The following KIAA0825 variants were observed in gnomAD, a reference collection of about 807,000 sequenced individuals.
KIAA0825 encodes the protein uncharacterized protein KIAA0825.
In KIAA0825, 119 loss-of-function variants were observed where a neutral mutation model predicts 147.6. The ratio of observed to expected loss-of-function variants is 0.81; its 90% confidence interval spans 0.69 to 0.94. The LOEUF (loss-of-function observed/expected upper bound fraction) is 0.94, where lower values mean the gene tolerates loss of function less well. Among genes scored for constraint, KIAA0825 ranks in the 40% least tolerant of loss-of-function variants. The pLI is 0.00. For missense variants in KIAA0825, 1,381 were observed against 1,472.7 expected (o/e 0.94, Z 1.02); for synonymous variants, 470 against 518.1 (o/e 0.91, Z 1.26).
At chr5:94,261,542 A>G (rs1195843873) in intron 20 of KIAA0825, among the ~76,000 whole-genome samples, 2 of 152,166 alleles carry the variant, frequency 1.3e-5, no homozygotes, top group African/African-American at 4.8e-5. Flanking sequence ...TTGAGAGATA[A>G]GAAAACAAGA....
At chr5:94,478,593 T>C (rs980898590) in intron 6 of KIAA0825, among the ~76,000 whole-genome samples, 1 of 152,154 alleles carries the variant, frequency 6.6e-6, no homozygotes, top group Non-Finnish European at 1.5e-5. Flanking sequence ...GAGAGGGTTT[T>C]AGACTCAAAC....
chr5:94,617,836 T>C (rs926372844), intron 1 of KIAA0825: 2 of 152,230 alleles, frequency 1.3e-5, no homozygotes, highest in African/African-American at 4.8e-5. Flanking sequence ...TCCTTCATTA[T>C]CGACAAAGCC....
chr5:94,594,397 A>C lies in KIAA0825; in HGVS notation c.-152-11814T>G, dbSNP rs1000755813. 7 of 769,530 alleles carry C rather than the reference A, an allele frequency of 9.1e-6. No homozygotes were observed. In the Admixed American group the frequency reaches 1.2e-4, roughly 14 times the overall value. 47.7% of individuals were successfully genotyped at this position (769,530 alleles called of 1,614,324 possible). A position where few individuals can be genotyped will look rare whatever the true frequency, so the allele number is the denominator to read the frequency against. On this transcript the variant is annotated intron_variant, in intron 1 of 20. Transcript: ENST00000682413. ...TTAGCAGAGGTACTAGGAGGAATCA[A>C]TTGTGTAAAAGCCTCAGTTCTTACT...
chr5:94,263,917 C>T (rs911491007), intron 20 of KIAA0825, among the ~76,000 whole-genome samples: 3 of 152,172 alleles, frequency 2.0e-5, no homozygotes, highest in Non-Finnish European at 4.4e-5. Flanking sequence ...ATATAGGGAT[C>T]ATTGGTACCT....
intron 14 of KIAA0825, among the ~76,000 whole-genome samples, chr5:94,432,487 C>G (rs1755810374): frequency 6.6e-6 from 1 of 152,094 alleles, no homozygotes; most frequent in African/African-American, 2.4e-5. Context: ...TTTATGGAGC[C>G]CACTGATACC....
chr5:94,268,338 C>T (rs867959073), intron 20 of KIAA0825, among the ~76,000 whole-genome samples: 7 of 151,974 alleles, frequency 4.6e-5, no homozygotes, highest in African/African-American at 9.7e-5. Flanking sequence ...CAACTCTGGG[C>T]GGGCTGGGTG....
rs76068684 is a variant in KIAA0825 at position 94,327,325 on chromosome 5, T to C, written c.3710+57043A>G. On this transcript the variant is annotated intron_variant, in intron 20 of 20. Coordinates refer to ENST00000682413, the MANE Select transcript of KIAA0825 (RefSeq NM_001145678.3). ...CTTTATTTACATTTCCAGGAAAGCATAGAACATGAATACTACTTTATGAAG... is the reference window on the plus strand; with the variant it reads ...CTTTATTTACATTTCCAGGAAAGCACAGAACATGAATACTACTTTATGAAG... 2.0e-5 allele frequency among the ~76,000 whole-genome samples: 3 copies of C among 151,596 alleles called. No individual in the cohort carries two copies. In the East Asian group the frequency reaches 5.8e-4, roughly 29 times the overall value.
intron 2 of KIAA0825, among the ~76,000 whole-genome samples, chr5:94,538,511 C>T (rs1584821023): frequency 6.6e-6 from 1 of 152,190 alleles, no homozygotes; most frequent in Non-Finnish European, 1.5e-5. Flanking sequence ...ACTGGCTGGG[C>T]ATTTGATTCC....
chr5:94,513,537 A>G (rs138627322), intron 5 of KIAA0825, among the ~76,000 whole-genome samples: 158 of 152,294 alleles, frequency 1.0e-3, no homozygotes, highest in African/African-American at 3.6e-3. Flanking sequence ...TGCTAAAATT[A>G]AATTGCATAC....
At chr5:94,615,932 A>T (rs1414569719) in intron 1 of KIAA0825, among the ~76,000 whole-genome samples, 1 of 152,096 alleles carries the variant, frequency 6.6e-6, no homozygotes, top group Non-Finnish European at 1.5e-5. Context: ...GGAAGTATAG[A>T]ACATAGTAAA....
intron 2 of KIAA0825, among the ~76,000 whole-genome samples, chr5:94,564,037 C>G (rs1480806266): frequency 6.6e-6 from 1 of 152,016 alleles, no homozygotes; most frequent in African/African-American, 2.4e-5. Flanking sequence ...TTATCAGAAC[C>G]TCAAAATTAT....
chr5:94,245,836 TG>T, intron 20 of KIAA0825, among the ~76,000 whole-genome samples: 1 of 152,196 alleles, frequency 6.6e-6, no homozygotes, highest in African/African-American at 2.4e-5. Context: ...ATTGGCTTGG[TG>T]GGTGCGCGGC....
At chr5:94,474,381 A>T (rs866126188) in intron 7 of KIAA0825, among the ~76,000 whole-genome samples, 2 of 152,296 alleles carry the variant, frequency 1.3e-5, no homozygotes, top group Middle Eastern at 3.4e-3. Context: ...GTTTTAATGT[A>T]ACTTTGTTTA....
Position 94,538,238 on chromosome 5 carries a change from G to C in KIAA0825, c.-1-1111C>G, listed in dbSNP as rs80126765. 2.0e-3 allele frequency among the ~76,000 whole-genome samples: 304 copies of C among 152,332 alleles called. 1 individual carries two copies. The highest frequency in any genetic ancestry group is 7.1e-3 in the African/African-American group (295 of 41,580). On this transcript the variant is annotated intron_variant, in intron 2 of 20. Transcript: ENST00000682413. ...ACAAGTAAAACATGGCAATGGGCTA[G>C]ATTAAGAGTGATGGAGCAAGGACAG...
Position 94,452,988 on chromosome 5 carries a change from G to T in KIAA0825, c.2328C>A (p.Cys776Ter). 2 of 1,528,106 alleles carry T rather than the reference G, an allele frequency of 1.3e-6. No individual in the cohort carries two copies. Among genetic ancestry groups the T allele is most frequent in the Non-Finnish European group, 1.8e-6 (2 of 1,136,650 alleles). The allele number at this position is 1,528,106 out of a possible 1,614,324, so 94.7% of individuals were successfully genotyped here. The change falls in exon 13 of 21, where the codon TGC becomes TGA. Residue 776 changes from cysteine (C) to a stop codon, truncating the protein, a stop_gained. Coordinates refer to ENST00000682413, the MANE Select transcript of KIAA0825 (RefSeq NM_001145678.3). LOFTEE classifies it high-confidence loss of function. ...FFKQPLYWVSCISHFYPSLLR... is the reference protein window; with the variant it reads ...FFKQPLYWVS ...GTAAAGAAGGGTAGAAATGTGATAT[G>T]CAAGAAACCCAATATAATGGTTGCT...
intron 20 of KIAA0825, among the ~76,000 whole-genome samples, chr5:94,380,510 T>C (rs985351067): frequency 1.3e-5 from 2 of 152,252 alleles, no homozygotes; most frequent in Admixed American, 6.5e-5. Flanking sequence ...GCTATTCTTA[T>C]TGAGTTTACA....
intron 20 of KIAA0825, among the ~76,000 whole-genome samples, chr5:94,154,963 G>A (rs539127773): frequency 6.6e-6 from 1 of 152,070 alleles, no homozygotes; most frequent in East Asian, 1.9e-4. Context: ...CCACCATAAT[G>A]TACTGTTACA....
At chr5:94,263,129 G>A (rs1386855202) in intron 20 of KIAA0825, among the ~76,000 whole-genome samples, 6 of 152,050 alleles carry the variant, frequency 3.9e-5, no homozygotes, top group Non-Finnish European at 7.4e-5. Context: ...AGGTACTTCA[G>A]AAGTCTTGAA....
chr5:94,537,032 C>G lies in KIAA0825; in HGVS notation c.95G>C (p.Ser32Thr), dbSNP rs751900176. ...PGDLEFEQIF[S>T]DIDEKIEQNA... ...TTGTTCAATCTTTTCATCAATGTCA[C>G]TGAAGATCTGCTCAAACTCCAAGTC... The change falls in exon 3 of 21, where the codon AGT becomes ACT. Residue 32 changes from serine to threonine, a missense_variant. Ser to Thr is a moderately conservative substitution (Grantham distance 58). Coordinates refer to ENST00000682413, the MANE Select transcript of KIAA0825 (RefSeq NM_001145678.3). 2.5e-6 allele frequency: 4 copies of G among 1,607,126 alleles called. No homozygotes were observed.
Sources: gnomAD v4.1 joint callset for allele counts (sites outside exome capture counted in the v4.1 genomes callset) on GRCh38, gnomAD v4.1.1 for gene constraint, MANE v1.5 for transcripts, NCBI Gene and HGNC (gene_info 2026-07-23, HGNC 2026-07-21) for gene names.